The following VPS13C variants were observed in gnomAD, a reference collection of about 807,000 sequenced individuals.
VPS13C encodes vacuolar protein sorting 13 homolog C, also known as intermembrane lipid transfer protein VPS13C.
In VPS13C, 358 loss-of-function variants were observed where a neutral mutation model predicts 456.8. The observed-to-expected ratio is 0.78, with a 90% CI of 0.72 to 0.86. VPS13C has a LOEUF of 0.86. Among genes scored for constraint, VPS13C ranks in the 40% least tolerant of loss-of-function variants. VPS13C has a pLI of 0.00. For synonymous variants in VPS13C, 1,578 were observed against 1,486.7 expected (o/e 1.06, Z -1.41); for missense variants, 4,818 against 4,385.4 (o/e 1.10, Z -2.79).
intron 6 of VPS13C, among the ~76,000 whole-genome samples, chr15:62,028,028 TCTAGAA>T (rs1253644602): frequency 6.6e-6 from 1 of 152,068 alleles, no homozygotes; most frequent in African/African-American, 2.4e-5. Flanking sequence ...ACTACTGAAC[TCTAGAA>T]CTAAACTCAA....
At position 61,920,396 on chromosome 15, in the gene VPS13C, C is replaced by T. The variant is rs942072489; in HGVS notation, c.7213-65G>A. The T allele has an allele frequency of 2.7e-6, 4 of 1,501,282 alleles. No individual in the cohort carries two copies. In the African/African-American group the frequency reaches 5.6e-5, roughly 21 times the overall value. The allele number at this position is 1,501,282 out of a possible 1,614,324, so 93.0% of individuals were successfully genotyped here. A position where few individuals can be genotyped will look rare whatever the true frequency, so the allele number is the denominator to read the frequency against. Reference sequence around the variant, plus strand: ...ACATACATTCTTCCCAAAACCTATACCATAATTACACATTTTTTGGAAACT... The same window carrying T: ...ACATACATTCTTCCCAAAACCTATATCATAATTACACATTTTTTGGAAACT... On this transcript the variant is annotated intron_variant, in intron 56 of 84. Coordinates refer to ENST00000644861, the MANE Select transcript of VPS13C (RefSeq NM_020821.3).
chr15:61,951,769 A>C, intron 39 of VPS13C, 55 bp downstream of exon 39: 3 of 1,514,286 alleles, frequency 2.0e-6, no homozygotes, highest in Non-Finnish European at 2.7e-6. Context: ...GTTGATAAAA[A>C]GGTAGGGATC....
chr15:61,969,814 C>T (rs2045491408), intron 27 of VPS13C, among the ~76,000 whole-genome samples: 1 of 151,976 alleles, frequency 6.6e-6, no homozygotes, highest in Non-Finnish European at 1.5e-5. Context: ...GAAAGTAAGA[C>T]AAGATGTTCT....
At chr15:61,872,100 A>G in intron 78 of VPS13C, 66 bp from the exon 79 acceptor site, 1 of 1,371,032 alleles carries the variant, frequency 7.3e-7, no homozygotes, top group Non-Finnish European at 1.0e-6. Context: ...ACCAACCACT[A>G]GAGGTCTCTA....
At chr15:61,914,914 T>C (rs989537985) in intron 61 of VPS13C, among the ~76,000 whole-genome samples, 3 of 132,244 alleles carry the variant, frequency 2.3e-5, no homozygotes, top group Non-Finnish European at 4.7e-5. Context: ...AAAAAACCTT[T>C]AGGTGTTTCT....
At chr15:61,995,583 T>C (rs1012615062) in intron 16 of VPS13C, among the ~76,000 whole-genome samples, 4 of 152,192 alleles carry the variant, frequency 2.6e-5, no homozygotes, top group Non-Finnish European at 4.4e-5. Context: ...AGCTGCCATG[T>C]TATGGTTGTC....
In VPS13C at chr15:61,939,197, G is replaced by A. The variant is rs193169251; in HGVS notation, c.5601+1450C>T. 2.9e-3 allele frequency among the ~76,000 whole-genome samples: 440 copies of A among 152,260 alleles called. 1 individual carries two copies. The highest frequency in any genetic ancestry group is 9.8e-3 in the African/African-American group (408 of 41,562). On this transcript the variant is annotated intron_variant, in intron 47 of 84. Coordinates refer to ENST00000644861, the MANE Select transcript of VPS13C (RefSeq NM_020821.3). ...ACAAAATCTTTGAAAGGGATTGTCA[G>A]ATATTAGTCCTGGGATCTAATCTTT...
rs570137960 is a variant in VPS13C at position 61,867,757 on chromosome 15, C to T, written c.10863+902G>A. Reference sequence around the variant, plus strand: ...CTGGACAGTATTACCAGGAATACCACAAGTTTTTATTTGTAGTCAATCCCA... The same window carrying T: ...CTGGACAGTATTACCAGGAATACCATAAGTTTTTATTTGTAGTCAATCCCA... On this transcript the variant is annotated intron_variant, in intron 81 of 84. Coordinates refer to ENST00000644861, the MANE Select transcript of VPS13C (RefSeq NM_020821.3). This position sits in a 1 kb window ranked among gnomAD's most constrained non-coding sequence, Gnocchi z 5.0. The T allele has an allele frequency of 7.3e-5, 107 of 1,475,034 alleles. No homozygotes were observed. The highest frequency in any genetic ancestry group is 7.7e-5 in the Non-Finnish European group (86 of 1,116,610). 91.4% of individuals were successfully genotyped at this position (1,475,034 alleles called of 1,614,324 possible).
At chr15:61,934,405 T>A in intron 48 of VPS13C, 74 bp from the exon 49 acceptor site, 1 of 761,936 alleles carries the variant, frequency 1.3e-6, no homozygotes, top group Non-Finnish European at 1.9e-6. Flanking sequence ...AGATAATTTC[T>A]TATTCTAAAT....
At chr15:61,949,396 T>C (rs1285791592) in intron 42 of VPS13C, 47 bp downstream of exon 42, 60 of 1,581,728 alleles carry the variant, frequency 3.8e-5, no homozygotes, top group Non-Finnish European at 5.1e-5. Flanking sequence ...TGTTATATGA[T>C]TATTAAAGTT....
intron 41 of VPS13C, among the ~76,000 whole-genome samples, 177 bp from the exon 42 acceptor site, chr15:61,949,782 A>T (rs2140285627): frequency 6.6e-6 from 1 of 152,298 alleles, no homozygotes; most frequent in Admixed American, 6.5e-5. Flanking sequence ...CCAGATAATA[A>T]ATCAACTCTC....
intron 20 of VPS13C, 98 bp from the exon 21 acceptor site, chr15:61,982,671 G>T: frequency 1.4e-6 from 1 of 723,650 alleles, no homozygotes; most frequent in Non-Finnish European, 2.3e-6. Context: ...CTGTAGCTTT[G>T]AACTGTGGAA....
chr15:61,973,908 G>T (rs2045628283), intron 25 of VPS13C, among the ~76,000 whole-genome samples: 1 of 151,970 alleles, frequency 6.6e-6, no homozygotes, highest in African/African-American at 2.4e-5. Flanking sequence ...TTTCAAAGTA[G>T]AAATCCAACA....
chr15:61,984,732 T>C lies in VPS13C; in HGVS notation c.1721+125A>G, dbSNP rs1047606701. The stretch of plus-strand genomic sequence containing the variant: ...CAAGAGCAAATATAAAAAGGCTATC[T>C]TGACATATACAAGGAAAAGAAATTA... On this transcript the variant is annotated intron_variant, in intron 19 of 84. Coordinates refer to ENST00000644861, the MANE Select transcript of VPS13C (RefSeq NM_020821.3). The C allele has an allele frequency of 1.9e-5, 19 of 975,654 alleles. No individual in the cohort carries two copies. In the African/African-American group the frequency reaches 2.5e-4, roughly 13 times the overall value. The allele number at this position is 975,654 out of a possible 1,614,324, so 60.4% of individuals were successfully genotyped here. A position where few individuals can be genotyped will look rare whatever the true frequency, so the allele number is the denominator to read the frequency against.
intron 16 of VPS13C, among the ~76,000 whole-genome samples, chr15:61,994,634 G>C (rs955267003): frequency 6.6e-6 from 1 of 150,550 alleles, no homozygotes; most frequent in Non-Finnish European, 1.5e-5. Context: ...CTGTCACCCA[G>C]GCTGGAGTGC....
At position 61,975,750 on chromosome 15, in the gene VPS13C, A is replaced by C. The variant is rs1036442963; in HGVS notation, c.2408+1332T>G. ...CAGTATCTTCCAGAAAACTCAATGC[A>C]TGAGGCCAACATCATTATCCTGATA... On this transcript the variant is annotated intron_variant, in intron 24 of 84. Transcript: ENST00000644861. 4.6e-5 allele frequency among the ~76,000 whole-genome samples: 7 copies of C among 152,130 alleles called. No individual in the cohort carries two copies. The East Asian group carries it at 9.6e-4, about 21-fold the overall frequency.
intron 9 of VPS13C, among the ~76,000 whole-genome samples, chr15:62,018,665 G>A (rs1204700541): frequency 6.6e-6 from 1 of 151,800 alleles, no homozygotes; most frequent in Non-Finnish European, 1.5e-5. Context: ...TAAGCTTTTT[G>A]ATGTGCTGCT....
chr15:62,013,417 GA>G (rs528829646), intron 10 of VPS13C, among the ~76,000 whole-genome samples: 39 of 147,056 alleles, frequency 2.7e-4, no homozygotes, highest in African/African-American at 8.7e-4. Context: ...ATATTTTGCT[GA>G]AAAAAAAAAG....
chr15:61,962,162 G>A (rs542884481), intron 34 of VPS13C, among the ~76,000 whole-genome samples: 1 of 152,008 alleles, frequency 6.6e-6, no homozygotes, highest in Non-Finnish European at 1.5e-5. Context: ...TCATTATATT[G>A]TAGCAAAAAT....
Sources: allele counts gnomAD v4.1 joint callset (sites outside exome capture counted in the v4.1 genomes callset), GRCh38; gene constraint gnomAD v4.1.1; non-coding constraint Gnocchi (gnomAD v3.1); transcripts MANE v1.5; gene names NCBI Gene and HGNC (gene_info 2026-07-23, HGNC 2026-07-21).